The following IRAG1 variants were observed in gnomAD, a reference collection of about 807,000 sequenced individuals.
IRAG1 encodes the protein inositol 1,4,5-triphosphate receptor associated 1.
IRAG1 carries 62 observed loss-of-function variants against 106.2 expected under a neutral mutation model. The observed-to-expected ratio is 0.58, with a 90% CI of 0.48 to 0.72. The LOEUF is 0.72. Ranked by LOEUF, IRAG1 falls within the 30% of genes least tolerant of loss-of-function variation. The pLI, the probability that IRAG1 is intolerant of heterozygous loss-of-function variation, is 0.00. For missense variants in IRAG1, 1,064 were observed against 1,140.7 expected, an observed-to-expected ratio of 0.93 and a Z score of 0.97; for synonymous variants, 462 against 443.9, an observed-to-expected ratio of 1.04 and a Z score of -0.51.
chr11:10,645,667 T>G (rs778673014), intron 2 of IRAG1, among the ~76,000 whole-genome samples: 1 of 152,240 alleles, frequency 6.6e-6, no homozygotes, highest in Non-Finnish European at 1.5e-5. Flanking sequence ...TTTTGTGCTA[T>G]AGGGACTGAG....
rs527648645 is a variant in IRAG1, at chr11:10,603,352, A to G, written c.1744-101T>C. 2.4e-5 allele frequency: 34 copies of G among 1,388,442 alleles called. No individual in the cohort carries two copies. The South Asian group carries it at 4.3e-4, about 17-fold the overall frequency. The allele number at this position is 1,388,442 out of a possible 1,614,324, so 86.0% of individuals were successfully genotyped here. A position where few individuals can be genotyped will look rare whatever the true frequency, so the allele number is the denominator to read the frequency against. ...GGCCTCAGGGACTGGTTTGGAAGAC[A>G]ATTTTTCCACAAACCTGGTGGGGGC... On this transcript the variant is annotated intron_variant, in intron 13 of 20. Coordinates refer to ENST00000423302, the MANE Select transcript of IRAG1 (RefSeq NM_130385.4).
At chr11:10,616,538 C>A (rs1282009397) in intron 10 of IRAG1, among the ~76,000 whole-genome samples, 1 of 151,838 alleles carries the variant, frequency 6.6e-6, no homozygotes, top group Non-Finnish European at 1.5e-5. Flanking sequence ...AAACAAAAAA[C>A]AAAAAACAAA....
chr11:10,626,029 A>T lies in IRAG1; in HGVS notation c.1305T>A (p.Gly435=). ...KAGGKLAKAP[G]LKDFQIQVQP... is the part of the protein sequence containing the mutation. ...GCACTTGTATCTGAAAGTCTTTGAG[A>T]CCAGGGGCCTTGGCCAGCTTGCCGC... Residue 435 remains glycine, a synonymous_variant, in exon 9 of 21, where the codon GGT becomes GGA. Transcript: ENST00000423302. 6.6e-7 allele frequency: 1 copy of T among 1,511,142 alleles called. No individual in the cohort carries two copies. Among genetic ancestry groups the T allele is most frequent in the Non-Finnish European group, 8.9e-7 (1 of 1,129,738 alleles). The allele number at this position is 1,511,142 out of a possible 1,614,324, so 93.6% of individuals were successfully genotyped here.
chr11:10,682,334 CTCTTTG>C (rs1163947017), intron 1 of IRAG1, among the ~76,000 whole-genome samples: 1 of 152,220 alleles, frequency 6.6e-6, no homozygotes, highest in Non-Finnish European at 1.5e-5. Flanking sequence ...AAGTCAGGCT[CTCTTTG>C]TTCATGTGCC....
chr11:10,576,266 T>C lies in IRAG1; in HGVS notation c.*66A>G. The C allele has an allele frequency of 1.3e-6, 2 of 1,598,874 alleles. No individual in the cohort carries two copies. Among genetic ancestry groups the C allele is most frequent in the Non-Finnish European group, 1.7e-6 (2 of 1,171,086 alleles). On this transcript the variant is annotated 3_prime_UTR_variant, in exon 21 of 21. Coordinates refer to ENST00000423302, the MANE Select transcript of IRAG1 (RefSeq NM_130385.4). ...GTGTGTCCACACTTGGGCCTGACGT[T>C]ATACTTGGGGAAAGGGTGGTAGTCT...
chr11:10,635,600 G>A (rs142739905), intron 2 of IRAG1, among the ~76,000 whole-genome samples: 2 of 152,370 alleles, frequency 1.3e-5, no homozygotes, highest in East Asian at 3.9e-4. Context: ...TTGGTTCCCT[G>A]CAAGGTAGGG....
intron 18 of IRAG1, among the ~76,000 whole-genome samples, chr11:10,590,854 A>T (rs1173200907): frequency 6.6e-6 from 1 of 152,024 alleles, no homozygotes; most frequent in African/African-American, 2.4e-5. Context: ...TCAGGAATTT[A>T]CTCTTCTTCA....
chr11:10,604,437 T>C lies in IRAG1; in HGVS notation c.1711A>G (p.Lys571Glu). 6.2e-7 allele frequency: 1 copy of C among 1,614,070 alleles called. No homozygotes were observed. The highest frequency in any genetic ancestry group is 8.5e-7 in the Non-Finnish European group (1 of 1,179,900). The change falls in exon 13 of 21, where the codon AAA becomes GAA. Residue 571 changes from lysine (K) to glutamate (E), a missense_variant. Coordinates refer to ENST00000423302, the MANE Select transcript of IRAG1 (RefSeq NM_130385.4). ...ERNLTEENTE[K>E]ELENFKASIT... is the part of the protein sequence containing the mutation. ...GAAGCTTTGAAGTTTTCCAGTTCTT[T>C]CTCAGTGTTCTCCTCTGTCAGGTTG...
chr11:10,652,217 T>G (rs1470491880), intron 1 of IRAG1, 35 bp from the exon 2 acceptor site: 2 of 1,608,956 alleles, frequency 1.2e-6, no homozygotes, highest in Non-Finnish European at 1.7e-6. Flanking sequence ...TCAAATCCAT[T>G]CCCATCCCTG....
intron 11 of IRAG1, among the ~76,000 whole-genome samples, chr11:10,607,131 T>C (rs535499759): frequency 6.6e-6 from 1 of 152,352 alleles, no homozygotes; most frequent in East Asian, 1.9e-4. Flanking sequence ...CCACACTCAG[T>C]GGGCTCTCGG....
In IRAG1 at chr11:10,626,246, C is replaced by G. The variant is rs1232570090; in HGVS notation, c.1088G>C (p.Arg363Thr). Reference sequence around the variant, plus strand: ...CCCCATCGGCTCTCCAGCTGGGCCTCTCCCCTGGGAGGCTGGGGGACCCAC... The same window carrying G: ...CCCCATCGGCTCTCCAGCTGGGCCTGTCCCCTGGGAGGCTGGGGGACCCAC... ...AGVGPPASQG[R>T]GPAGEPMGPE... The change falls in exon 9 of 21, where the codon AGA (arginine) becomes ACA (threonine). Residue 363 changes from arginine (R) to threonine (T), a missense_variant. By Grantham distance (71) the Arg-to-Thr change is moderately conservative (BLOSUM62 -1). Transcript: ENST00000423302. The G allele has an allele frequency of 6.2e-7, 1 of 1,605,806 alleles. No individual in the cohort carries two copies. The highest frequency in any genetic ancestry group is 1.1e-5 in the South Asian group (1 of 90,474).
At chr11:10,645,449 G>A (rs113673496) in intron 2 of IRAG1, among the ~76,000 whole-genome samples, 5 of 152,336 alleles carry the variant, frequency 3.3e-5, no homozygotes, top group African/African-American at 1.2e-4. Context: ...TCACTACCAT[G>A]TACGACTGCG....
intron 18 of IRAG1, among the ~76,000 whole-genome samples, chr11:10,584,598 T>C (rs1047702220): frequency 1.4e-5 from 2 of 143,058 alleles, no homozygotes. Context: ...AAATGAGATA[T>C]TGGTATCAGA....
intron 1 of IRAG1, among the ~76,000 whole-genome samples, chr11:10,682,309 C>T (rs1351491644): frequency 6.6e-6 from 1 of 152,190 alleles, no homozygotes; most frequent in African/African-American, 2.4e-5. Flanking sequence ...GAATCTTCCC[C>T]TCTGGGACTC....
chr11:10,575,761 T>C lies in IRAG1; in HGVS notation c.*571A>G, dbSNP rs1850782824. On this transcript the variant is annotated 3_prime_UTR_variant, in exon 21 of 21. Coordinates refer to ENST00000423302, the MANE Select transcript of IRAG1 (RefSeq NM_130385.4). ...CAGCCTATACTTTTTTTTTTTTTTC[T>C]GAGAAGCCTTTCCTACTTCTGTAAA... 2 of 151,014 alleles carry C rather than the reference T, an allele frequency of 1.3e-5. No homozygotes were observed. Among genetic ancestry groups the C allele is most frequent in the Non-Finnish European group, 2.9e-5 (2 of 68,948 alleles). 9.4% of individuals were successfully genotyped at this position (151,014 alleles called of 1,614,324 possible).
intron 1 of IRAG1, 147 bp from the exon 2 acceptor site, chr11:10,652,329 G>A: frequency 6.9e-7 from 1 of 1,446,602 alleles, no homozygotes. Flanking sequence ...GAGGGCATTT[G>A]GAATTTCATT....
chr11:10,681,591 C>T (rs1278023864), intron 1 of IRAG1, among the ~76,000 whole-genome samples: 4 of 152,100 alleles, frequency 2.6e-5, no homozygotes. Context: ...AATCACTGGG[C>T]CCTGTAGGGT....
In IRAG1 at chr11:10,626,140, G is replaced by A. The variant is rs1856228117; in HGVS notation, c.1194C>T (p.Gly398=). The change falls in exon 9 of 21, where the codon GGC becomes GGT. Residue 398 remains glycine, a synonymous_variant. Coordinates refer to ENST00000423302, the MANE Select transcript of IRAG1 (RefSeq NM_130385.4). ...GCAGCCGGGGGCCAGGTTCTTCAGG[G>A]CCACTGTCCCAGGAGAGCCCTCGCA... The part of the protein sequence containing the change: ...PLLRGLSWDS[G]PEEPGPRLQK... The A allele has an allele frequency of 2.0e-6, 3 of 1,536,980 alleles. No individual in the cohort carries two copies. In the Admixed American group the frequency reaches 6.3e-5, roughly 32 times the overall value.
At chr11:10,584,485 G>T (rs1851721412) in intron 18 of IRAG1, among the ~76,000 whole-genome samples, 1 of 147,786 alleles carries the variant, frequency 6.8e-6, no homozygotes, top group South Asian at 2.1e-4. Context: ...TTATCCAAAC[G>T]ACTGGAGCAA....
Sources: allele counts gnomAD v4.1 joint callset (sites outside exome capture counted in the v4.1 genomes callset), GRCh38; gene constraint gnomAD v4.1.1; transcripts MANE v1.5; gene names NCBI Gene and HGNC (gene_info 2026-07-23, HGNC 2026-07-21).